Variants in COL4A1 observed in about 807,000 individuals in gnomAD.
COL4A1 encodes collagen type IV alpha 1 chain.
COL4A1 carries 40 observed loss-of-function variants against 216.6 expected under a neutral mutation model. The ratio of observed to expected loss-of-function variants is 0.18; its 90% CI spans 0.14 to 0.24. The LOEUF is 0.24. Ranked by LOEUF, COL4A1 falls within the 10% of genes least tolerant of loss-of-function variation. The pLI, the probability that COL4A1 is intolerant of heterozygous loss-of-function variation, is 1.00. For synonymous variants in COL4A1, 839 were observed against 810.7 expected, an observed-to-expected ratio of 1.03 and a Z score of -0.59; for missense variants, 1,628 against 2,196.8, an observed-to-expected ratio of 0.74 and a Z score of 5.18.
chr13:110,155,720 G>C (rs931627327), intron 49 of COL4A1, among the ~76,000 whole-genome samples: 2 of 152,174 alleles, frequency 1.3e-5, no homozygotes, highest in Non-Finnish European at 2.9e-5. Context: ...AGTCCAGCCT[G>C]ACCAACATGG....
At chr13:110,212,640 C>A (rs372453894) in intron 4 of COL4A1, 22 bp from the exon 5 acceptor site, 1 of 1,613,222 alleles carries the variant, frequency 6.2e-7, no homozygotes, top group Admixed American at 1.7e-5. Flanking sequence ...GAAGTAAAAG[C>A]GTGTCAGTGA....
intron 1 of COL4A1, among the ~76,000 whole-genome samples, chr13:110,255,928 A>C (rs1215914206): frequency 6.9e-6 from 1 of 144,322 alleles, no homozygotes; most frequent in African/African-American, 2.6e-5. Context: ...AGGGAGGGGG[A>C]AGGAGGCAGA....
rs1249222827 is a variant in COL4A1 at position 110,207,786 on chromosome 13, T to G, written c.694-297A>C. Among the ~76,000 whole-genome samples the G allele has an allele frequency of 6.6e-6, 1 of 152,180 alleles. No individual in the cohort carries two copies. The highest frequency in any genetic ancestry group is 2.4e-5 in the African/African-American group (1 of 41,444). ...ACCTCCGGACTTGCGTGCCCCTGTA[T>G]AGTGTATACTGGCTTCTGATGGCAC... is the stretch of plus-strand genomic sequence containing the variant. On this transcript the variant is annotated intron_variant, in intron 12 of 51. Transcript: ENST00000375820. The surrounding 1 kb of genome is among the most constrained non-coding windows in gnomAD (Gnocchi z 4.4).
Position 110,192,263 on chromosome 13 carries a change from G to A in COL4A1, c.1487C>T (p.Ala496Val). ...GEIGFPGQPG[A>V]KGDRGLPGRD... is the part of the protein sequence containing the mutation. Reference sequence around the variant, plus strand: ...GCCAGGCAAACCTCTGTCGCCCTTGGCCCCTGGCTGCCCTGGGAAACCTTT... The same window carrying A: ...GCCAGGCAAACCTCTGTCGCCCTTGACCCCTGGCTGCCCTGGGAAACCTTT... Residue 496 changes from alanine (A) to valine (V), a missense_variant, in exon 24 of 52, where the codon GCC (alanine) becomes GTC (valine). Physicochemically the swap from Ala to Val is moderately conservative, Grantham distance 64. Around this residue, in one of 8 missense-constraint regions of COL4A1, gnomAD observed 701 missense variants for 892.5 expected, o/e 0.79. Coordinates refer to ENST00000375820, the MANE Select transcript of COL4A1 (RefSeq NM_001845.6). 6.2e-7 allele frequency: 1 copy of A among 1,614,140 alleles called. No individual in the cohort carries two copies. The highest frequency in any genetic ancestry group is 2.2e-5 in the East Asian group (1 of 44,882).
intron 49 of COL4A1, among the ~76,000 whole-genome samples, chr13:110,158,272 A>C (rs1876886178): frequency 6.6e-6 from 1 of 152,266 alleles, no homozygotes; most frequent in East Asian, 1.9e-4. Context: ...TAGATATTTT[A>C]ATGTAAGGGG....
intron 26 of COL4A1, 131 bp downstream of exon 26, chr13:110,186,254 A>G: frequency 6.7e-6 from 8 of 1,190,224 alleles, no homozygotes; most frequent in Middle Eastern, 2.8e-4. Flanking sequence ...TCCTGCCCCA[A>G]TTCCTGGAAG....
intron 1 of COL4A1, among the ~76,000 whole-genome samples, chr13:110,247,374 A>C (rs61963305): frequency 0.13 from 19,132 of 152,288 alleles, 1,456 homozygotes; most frequent in Non-Finnish European, 0.18. Flanking sequence ...TGCAAAAGGT[A>C]CTACAAAGTA....
intron 51 of COL4A1, among the ~76,000 whole-genome samples, 153 bp from the exon 52 acceptor site, chr13:110,150,597 G>A (rs1876457532): frequency 6.6e-6 from 1 of 152,196 alleles, no homozygotes; most frequent in Non-Finnish European, 1.5e-5. Flanking sequence ...GGCAGGTGCT[G>A]GGTGCAGTGC....
rs946197882 is a variant in COL4A1 at position 110,268,307 on chromosome 13, G to A, written c.85-25573C>T. 2.6e-5 allele frequency among the ~76,000 whole-genome samples: 4 copies of A among 152,122 alleles called. No homozygotes were observed. Among genetic ancestry groups the A allele is most frequent in the Non-Finnish European group, 4.4e-5 (3 of 68,014 alleles). The stretch of plus-strand genomic sequence containing the variant: ...TGTGATGAGCACTCTGATGCCTGTC[G>A]TGCCAGGCTCAGGAGCTTGGACCTG... On this transcript the variant is annotated intron_variant, in intron 1 of 51. Transcript: ENST00000375820. The surrounding 1 kb of genome is among the most constrained non-coding windows in gnomAD (Gnocchi z 4.1).
At chr13:110,259,772 A>G (rs564060291) in intron 1 of COL4A1, among the ~76,000 whole-genome samples, 2 of 152,376 alleles carry the variant, frequency 1.3e-5, no homozygotes, top group South Asian at 4.1e-4. Flanking sequence ...GGTCACAGAA[A>G]TCAGACCAAG....
chr13:110,276,284 C>T (rs1029601233), intron 1 of COL4A1, among the ~76,000 whole-genome samples: 38 of 152,184 alleles, frequency 2.5e-4, no homozygotes, highest in Admixed American at 2.5e-3. Context: ...GATTGCGAAA[C>T]AGTGGAACAG....
chr13:110,196,695 C>G (rs1327575941), intron 21 of COL4A1, among the ~76,000 whole-genome samples: 1 of 152,152 alleles, frequency 6.6e-6, no homozygotes, highest in Non-Finnish European at 1.5e-5. Context: ...AAGTGCAAAT[C>G]TAGAGTTTAC....
chr13:110,264,214 C>G (rs1454507327), intron 1 of COL4A1, among the ~76,000 whole-genome samples: 2 of 152,192 alleles, frequency 1.3e-5, no homozygotes, highest in African/African-American at 4.8e-5. Context: ...ACCGCAGACT[C>G]TGGTCCTTCT....
intron 2 of COL4A1, among the ~76,000 whole-genome samples, chr13:110,224,993 G>A (rs567670590): frequency 1.6e-4 from 24 of 152,266 alleles, no homozygotes; most frequent in African/African-American, 5.8e-4. Context: ...TTTAAACCTT[G>A]AGAGAATTGC....
intron 43 of COL4A1, 57 bp from the exon 44 acceptor site, chr13:110,167,287 C>T (rs949212768): frequency 1.3e-5 from 17 of 1,296,186 alleles, no homozygotes; most frequent in Non-Finnish European, 1.9e-5. Flanking sequence ...TAAGTCTCTC[C>T]AGTAACCTGC....
At chr13:110,170,255 T>G (rs1179635293) in intron 42 of COL4A1, among the ~76,000 whole-genome samples, 1 of 152,152 alleles carries the variant, frequency 6.6e-6, no homozygotes, top group African/African-American at 2.4e-5. Context: ...AACCCACAAG[T>G]GGGCCCAAGT....
intron 1 of COL4A1, among the ~76,000 whole-genome samples, chr13:110,304,698 C>T (rs1884617927): frequency 1.3e-5 from 2 of 152,152 alleles, no homozygotes; most frequent in Non-Finnish European, 2.9e-5. Context: ...CCCATGAGTA[C>T]GTAAACAATA....
At chr13:110,225,509 G>A (rs867284185) in intron 2 of COL4A1, among the ~76,000 whole-genome samples, 1 of 152,164 alleles carries the variant, frequency 6.6e-6, no homozygotes, top group South Asian at 2.1e-4. Context: ...CTTGAACCCA[G>A]GAAGCAGAGG....
chr13:110,176,510 G>A lies in COL4A1; in HGVS notation c.2972C>T (p.Pro991Leu), dbSNP rs1289602390. The A allele has an allele frequency of 1.2e-6, 2 of 1,612,450 alleles. No individual in the cohort carries two copies. Among genetic ancestry groups the A allele is most frequent in the East Asian group, 2.2e-5 (1 of 44,872 alleles). ...TCCACTTATACCTGGATCACCTTTAGGTCCTAGAACCATAAAGAAAGCAGT... is the reference window on the plus strand; with the variant it reads ...TCCACTTATACCTGGATCACCTTTAAGTCCTAGAACCATAAAGAAAGCAGT... ...GQAGQPGQPG[P>L]KGDPGISGTP... Residue 991 changes from proline (P) to leucine (L), a missense_variant, in exon 36 of 52, where the codon CCT becomes CTT. By Grantham distance (98) the Pro-to-Leu change is moderately conservative. Coordinates refer to ENST00000375820, the MANE Select transcript of COL4A1 (RefSeq NM_001845.6).
Sources: gnomAD v4.1 joint callset for allele counts (sites outside exome capture counted in the v4.1 genomes callset) on GRCh38, gnomAD v4.1.1 for gene constraint, gnomAD v4.1.1 regional missense constraint, Gnocchi (gnomAD v3.1) non-coding constraint, MANE v1.5 for transcripts, NCBI Gene and HGNC (gene_info 2026-07-23, HGNC 2026-07-21) for gene names.